SNX8: variants seen among roughly 807,000 people sequenced by gnomAD.
SNX8 encodes sorting nexin 8.
SNX8 carries 25 observed loss-of-function variants against 51.6 expected under a neutral mutation model. The observed-to-expected ratio is 0.48, with a 90% CI of 0.35 to 0.68. The LOEUF (loss-of-function observed/expected upper bound fraction) is 0.68, where lower values mean the gene tolerates loss of function less well. Among genes scored for constraint, SNX8 ranks in the 30% least tolerant of loss-of-function variants. The probability of loss-of-function intolerance (pLI) is 0.00; values close to 1 mark genes in which losing one functional copy is unlikely to be tolerated. For synonymous variants in SNX8, 324 were observed against 277.0 expected (o/e 1.17, Z -1.68); for missense variants, 695 against 624.0 (o/e 1.11, Z -1.21).
chr7:2,284,668 T>G (rs1250989850), intron 1 of SNX8, among the ~76,000 whole-genome samples: 1 of 151,668 alleles, frequency 6.6e-6, no homozygotes, highest in Non-Finnish European at 1.5e-5. Flanking sequence ...CCTCCCAAAG[T>G]GCTGGGATTA....
chr7:2,347,677 G>A lies in SNX8; in HGVS notation c.-66+6545C>T, dbSNP rs1431292604. On this transcript the variant is annotated intron_variant, in intron 1 of 5. Transcript: ENST00000435336. The stretch of plus-strand genomic sequence containing the variant: ...CTTTGTTTTGTTGAGATGGAGTCTT[G>A]CTCTGTCACCCAGGCTGGAGTGCAG... 3.7e-5 allele frequency among the ~76,000 whole-genome samples: 5 copies of A among 136,096 alleles called. No individual in the cohort carries two copies. In the Admixed American group the frequency reaches 4.0e-4, roughly 11 times the overall value. The allele number at this position is 136,096 out of a possible 152,430, so 89.3% of individuals were successfully genotyped here.
chr7:2,262,080 C>T (rs1270599038), intron 7 of SNX8, among the ~76,000 whole-genome samples: 1 of 152,228 alleles, frequency 6.6e-6, no homozygotes, highest in East Asian at 1.9e-4. Flanking sequence ...CTCTGTCGCC[C>T]AGGCTGGTGT....
At chr7:2,298,585 G>T (rs563399192) in intron 1 of SNX8, among the ~76,000 whole-genome samples, 2 of 151,922 alleles carry the variant, frequency 1.3e-5, no homozygotes, top group East Asian at 1.9e-4. Flanking sequence ...GGCCAGGCTG[G>T]TCTCGAACTC....
intron 1 of SNX8, among the ~76,000 whole-genome samples, chr7:2,290,108 G>A (rs1273855498): frequency 2.0e-5 from 3 of 152,094 alleles, no homozygotes; most frequent in Non-Finnish European, 2.9e-5. Context: ...AAGGAAAATC[G>A]CTTGAACCTG....
intron 1 of SNX8, among the ~76,000 whole-genome samples, chr7:2,314,003 G>A (rs1246117026): frequency 6.6e-6 from 1 of 152,236 alleles, no homozygotes; most frequent in African/African-American, 2.4e-5. Context: ...AACGGGGCGA[G>A]GAGGAAACTG....
At chr7:2,264,550 G>A in intron 5 of SNX8, 92 bp from the exon 6 acceptor site, 1 of 1,325,820 alleles carries the variant, frequency 7.5e-7, no homozygotes, top group Non-Finnish European at 1.0e-6. Flanking sequence ...CTGAGCCACG[G>A]GAGACACAGC....
At chr7:2,298,326 C>A (rs901259189) in intron 1 of SNX8, among the ~76,000 whole-genome samples, 1 of 151,960 alleles carries the variant, frequency 6.6e-6, no homozygotes, top group African/African-American at 2.4e-5. Flanking sequence ...ACTATGGTGC[C>A]CAGGCTCTGA....
upstream of SNX8, among the ~76,000 whole-genome samples, chr7:2,317,434 C>A (rs2115220602): frequency 6.6e-6 from 1 of 151,634 alleles, no homozygotes; most frequent in Admixed American, 6.6e-5. Context: ...TGTGCCACCA[C>A]ACCCAGCTAA....
intron 1 of SNX8, among the ~76,000 whole-genome samples, chr7:2,330,827 AAAAAG>A (rs1307704384): frequency 1.3e-5 from 2 of 152,180 alleles, no homozygotes; most frequent in African/African-American, 4.8e-5. Flanking sequence ...GTGAAGCAAG[AAAAAG>A]AAAAGAATGC....
intron 1 of SNX8, among the ~76,000 whole-genome samples, chr7:2,323,797 G>A (rs1778580216): frequency 6.6e-6 from 1 of 152,144 alleles, no homozygotes; most frequent in Non-Finnish European, 1.5e-5. Flanking sequence ...TAGGAACTGA[G>A]TCTTCTTGGT....
intron 4 of SNX8, among the ~76,000 whole-genome samples, chr7:2,270,847 C>T (rs1795627628): frequency 6.6e-6 from 1 of 152,030 alleles, no homozygotes; most frequent in Non-Finnish European, 1.5e-5. Flanking sequence ...GGACAGAGGC[C>T]GTCAGGTCCC....
upstream of SNX8, among the ~76,000 whole-genome samples, chr7:2,316,472 C>T (rs550685552): frequency 1.4e-5 from 2 of 143,838 alleles, no homozygotes; most frequent in East Asian, 4.1e-4. Flanking sequence ...CATTCACCCA[C>T]TCACTCACTC....
intron 5 of SNX8, among the ~76,000 whole-genome samples, chr7:2,266,347 G>C (rs1795463143): frequency 9.8e-6 from 1 of 102,026 alleles, no homozygotes; most frequent in Admixed American, 1.0e-4. Flanking sequence ...ACCAAGCCTG[G>C]CTAATTTTTT....
chr7:2,346,523 G>A (rs1779029872), intron 1 of SNX8, among the ~76,000 whole-genome samples: 1 of 151,656 alleles, frequency 6.6e-6, no homozygotes, highest in South Asian at 2.1e-4. Context: ...CGAGGTGGGA[G>A]GATCACGAGG....
chr7:2,279,533 C>T (rs1221176511), intron 1 of SNX8, among the ~76,000 whole-genome samples: 1 of 152,130 alleles, frequency 6.6e-6, no homozygotes, highest in Non-Finnish European at 1.5e-5. Context: ...AAGAGGATCG[C>T]TTGAGCTCAG....
At chr7:2,271,584 C>G (rs527396461) in intron 4 of SNX8, among the ~76,000 whole-genome samples, 27 of 152,352 alleles carry the variant, frequency 1.8e-4, no homozygotes, top group African/African-American at 6.3e-4. Flanking sequence ...TCCAAACCAT[C>G]CAGCCTAAAT....
intron 1 of SNX8, among the ~76,000 whole-genome samples, chr7:2,349,935 T>C (rs2115253632): frequency 6.6e-6 from 1 of 152,068 alleles, no homozygotes; most frequent in South Asian, 2.1e-4. Flanking sequence ...GTCTCAGTCC[T>C]CTCCAGCCCA....
At chr7:2,290,942 G>A (rs115519599) in intron 1 of SNX8, among the ~76,000 whole-genome samples, 1 of 152,216 alleles carries the variant, frequency 6.6e-6, no homozygotes, top group African/African-American at 2.4e-5. Context: ...CCTACAGTCA[G>A]AGAAGAAGGT....
intron 6 of SNX8, 149 bp downstream of exon 6, chr7:2,264,149 A>G (rs1562424088): frequency 2.9e-6 from 2 of 678,478 alleles, no homozygotes; most frequent in Admixed American, 3.2e-5. Context: ...ATGACCCCCC[A>G]TGTGCCTGAG....
Sources: allele counts gnomAD v4.1 joint callset (sites outside exome capture counted in the v4.1 genomes callset), GRCh38; gene constraint gnomAD v4.1.1; transcripts MANE v1.5; gene names NCBI Gene and HGNC (gene_info 2026-07-23, HGNC 2026-07-21).